The following DSCAM variants were observed in gnomAD, a reference collection of about 807,000 sequenced individuals.
DSCAM encodes the protein DS cell adhesion molecule.
Under a neutral mutation model 217.7 loss-of-function variants are expected in DSCAM, and 47 were observed. The observed-to-expected ratio is 0.22, with a 90% CI of 0.17 to 0.28. DSCAM has a LOEUF of 0.28. Ranked by LOEUF, DSCAM falls within the 10% of genes least tolerant of loss-of-function variation. DSCAM has a pLI of 1.00. For missense variants in DSCAM, 2,080 were observed against 2,618.3 expected, an observed-to-expected ratio of 0.79 and a Z score of 4.49; for synonymous variants, 1,056 against 1,015.3, an observed-to-expected ratio of 1.04 and a Z score of -0.76.
At chr21:40,681,446 C>T (rs954519669) in intron 3 of DSCAM, among the ~76,000 whole-genome samples, 1 of 151,540 alleles carries the variant, frequency 6.6e-6, no homozygotes, top group Non-Finnish European at 1.5e-5. Flanking sequence ...TCCTGGCTAC[C>T]CTGATGGGGC....
At position 40,318,336 on chromosome 21, in the gene DSCAM, TAA is replaced by T. The variant is rs71330392; in HGVS notation, c.1784-5979_1784-5978del. Among the ~76,000 whole-genome samples, 1,062 of 145,398 alleles carry T rather than the reference TAA, an allele frequency of 7.3e-3. 8 individuals are homozygous for T. The highest frequency in any genetic ancestry group is 0.023 in the African/African-American group (899 of 39,812). ...TGTACCCTAAAACTTAAAGTATAAT[TAA>T]AAAAAAAAAAAAGAATGACTTAGAA... On this transcript the variant is annotated intron_variant, in intron 8 of 32. Transcript: ENST00000400454.
At position 40,510,146 on chromosome 21, in the gene DSCAM, TC is replaced by T. The variant is rs910600433; in HGVS notation, c.509-140902del. ...CTCATAAAAAAAGAATCTAAAATTG[TC>T]CCCCCCCAAAGCACTCTAAAATAAA... On this transcript the variant is annotated intron_variant, in intron 3 of 32. Transcript: ENST00000400454. 4.7e-5 allele frequency among the ~76,000 whole-genome samples: 7 copies of T among 148,496 alleles called. No homozygotes were observed. In the South Asian group the frequency reaches 1.3e-3, roughly 28 times the overall value.
intron 11 of DSCAM, among the ~76,000 whole-genome samples, chr21:40,200,969 T>C (rs982394274): frequency 9.2e-5 from 14 of 152,206 alleles, no homozygotes; most frequent in African/African-American, 3.4e-4. Context: ...CTAATCCTTA[T>C]AAAGAAAATG....
intron 1 of DSCAM, among the ~76,000 whole-genome samples, chr21:40,789,558 T>C (rs2091621437): frequency 6.7e-6 from 1 of 148,198 alleles, no homozygotes. Context: ...GATTGATTTT[T>C]TTTTTTTTTT....
intron 32 of DSCAM, among the ~76,000 whole-genome samples, chr21:40,038,052 A>G (rs2088662418): frequency 6.6e-6 from 1 of 151,058 alleles, no homozygotes; most frequent in African/African-American, 2.4e-5. Flanking sequence ...TAGACCTAAA[A>G]CCATAAAAAC....
chr21:40,103,381 G>T (rs752495814), intron 20 of DSCAM, among the ~76,000 whole-genome samples: 2 of 152,078 alleles, frequency 1.3e-5, no homozygotes, highest in Non-Finnish European at 2.9e-5. Flanking sequence ...TTTAATTATA[G>T]GGTAAGGGAA....
chr21:40,054,040 T>C (rs1601278177), intron 29 of DSCAM, among the ~76,000 whole-genome samples: 1 of 152,230 alleles, frequency 6.6e-6, no homozygotes, highest in South Asian at 2.1e-4. Context: ...TGCATATAAA[T>C]GGCTTATAAA....
At chr21:40,602,517 T>A (rs1369127473) in intron 3 of DSCAM, among the ~76,000 whole-genome samples, 1 of 152,216 alleles carries the variant, frequency 6.6e-6, no homozygotes, top group East Asian at 1.9e-4. Flanking sequence ...ATAGGCCCAT[T>A]CAGAATATCT....
At chr21:40,175,988 C>T (rs1469692947) in intron 15 of DSCAM, among the ~76,000 whole-genome samples, 1 of 151,648 alleles carries the variant, frequency 6.6e-6, no homozygotes, top group Non-Finnish European at 1.5e-5. Flanking sequence ...GGCCACAGCC[C>T]CTCCACATCA....
intron 3 of DSCAM, among the ~76,000 whole-genome samples, chr21:40,501,017 C>T (rs1196476391): frequency 6.6e-6 from 1 of 152,112 alleles, no homozygotes; most frequent in African/African-American, 2.4e-5. Context: ...CAGAGATACT[C>T]CAAACAATAT....
At chr21:40,696,241 T>C (rs570437357) in intron 2 of DSCAM, among the ~76,000 whole-genome samples, 7 of 152,276 alleles carry the variant, frequency 4.6e-5, no homozygotes, top group Admixed American at 3.3e-4. Flanking sequence ...GAACCCCAGC[T>C]CGCTCAGAGA....
intron 20 of DSCAM, among the ~76,000 whole-genome samples, chr21:40,115,832 T>C (rs1195516388): frequency 6.6e-6 from 1 of 152,222 alleles, no homozygotes; most frequent in Non-Finnish European, 1.5e-5. Flanking sequence ...GAAATCATTA[T>C]GTTATAAAGA....
chr21:40,241,340 T>G (rs1169979610), intron 11 of DSCAM, among the ~76,000 whole-genome samples: 1 of 152,126 alleles, frequency 6.6e-6, no homozygotes, highest in African/African-American at 2.4e-5. Flanking sequence ...TATGAACAGA[T>G]GCTTTTCAAA....
chr21:40,714,866 A>G (rs1209770272), intron 1 of DSCAM, among the ~76,000 whole-genome samples: 1 of 152,244 alleles, frequency 6.6e-6, no homozygotes, highest in Non-Finnish European at 1.5e-5. Context: ...AAATTTAATC[A>G]CCAGGGTAAT....
chr21:40,319,473 T>C (rs1459000104), intron 8 of DSCAM, among the ~76,000 whole-genome samples: 1 of 151,002 alleles, frequency 6.6e-6, no homozygotes, highest in Non-Finnish European at 1.5e-5. Flanking sequence ...GACATTCTCT[T>C]TATCCATTCA....
chr21:40,769,618 C>T (rs1413396640), intron 1 of DSCAM, among the ~76,000 whole-genome samples: 3 of 152,180 alleles, frequency 2.0e-5, no homozygotes, highest in East Asian at 1.9e-4. Flanking sequence ...CTGTGTATCA[C>T]GACAGACTCT....
chr21:40,215,607 T>C (rs1213238480), intron 11 of DSCAM, among the ~76,000 whole-genome samples: 1 of 152,042 alleles, frequency 6.6e-6, no homozygotes. Flanking sequence ...AAGCTATAGG[T>C]ATGCCAAGGC....
chr21:40,826,992 A>T (rs1489493754), intron 1 of DSCAM, among the ~76,000 whole-genome samples: 2 of 152,094 alleles, frequency 1.3e-5, no homozygotes, highest in African/African-American at 4.8e-5. Context: ...GAGGAAGGGA[A>T]GGGAAAGGAA....
chr21:40,845,540 C>CCTCTCTCTCTCTCTCT lies in DSCAM; in HGVS notation c.43+1063_43+1078dup, dbSNP rs71332310. 4.7e-3 allele frequency among the ~76,000 whole-genome samples: 652 copies of CCTCTCTCTCTCTCTCT among 138,930 alleles called. 5 individuals are homozygous for CCTCTCTCTCTCTCTCT. The highest frequency in any genetic ancestry group is 9.9e-3 in the African/African-American group (358 of 36,170). The allele number at this position is 138,930 out of a possible 152,430, so 91.1% of individuals were successfully genotyped here. ...CTCTTCTTTTACCTTCTCTTCTTCT[C>CCTCTCTCTCTCTCTCT]CTCTCTCTCTCTCTCTCTCTCTCTC... On this transcript the variant is annotated intron_variant, in intron 1 of 32. Coordinates refer to ENST00000400454, the MANE Select transcript of DSCAM (RefSeq NM_001389.5).
Sources: allele counts gnomAD v4.1 joint callset (sites outside exome capture counted in the v4.1 genomes callset), GRCh38; gene constraint gnomAD v4.1.1; transcripts MANE v1.5; gene names NCBI Gene and HGNC (gene_info 2026-07-23, HGNC 2026-07-21).